Variants in NPAS4 observed in about 807,000 individuals in gnomAD.
NPAS4 encodes the protein neuronal PAS domain protein 4.
NPAS4 carries 10 observed loss-of-function variants against 64.0 expected under a neutral mutation model. That is an observed-to-expected ratio of 0.16 (90% CI 0.10 to 0.26). NPAS4 has a LOEUF of 0.26. Ranked by LOEUF, NPAS4 falls within the 10% of genes least tolerant of loss-of-function variation. The pLI is 1.00. For synonymous variants in NPAS4, 441 were observed against 411.7 expected, an observed-to-expected ratio of 1.07 and a Z score of -0.86; for missense variants, 886 against 992.6, an observed-to-expected ratio of 0.89 and a Z score of 1.44.
chr11:66,417,061 G>A (rs1460931520), upstream of NPAS4: 6 of 151,972 alleles, frequency 3.9e-5, no homozygotes, highest in Non-Finnish European at 7.4e-5. Context: ...GGGATCTCAC[G>A]GCCTGTTTTT....
At chr11:66,421,812 C>G (rs531598884) in intron 1 of NPAS4, among the ~76,000 whole-genome samples, 28 of 152,328 alleles carry the variant, frequency 1.8e-4, no homozygotes, top group African/African-American at 5.5e-4. Context: ...TGGTTCTGAA[C>G]CCACAGTCGG....
At chr11:66,423,053 G>A in intron 4 of NPAS4, 70 bp from the exon 5 acceptor site, 1 of 1,497,962 alleles carries the variant, frequency 6.7e-7, no homozygotes, top group Non-Finnish European at 9.1e-7. Flanking sequence ...GAGGATCTGG[G>A]AGGGAGTGAG....
rs376466408 is a variant in NPAS4, at chr11:66,424,514, C to T, written c.1624C>T (p.Leu542=). The change falls in exon 7 of 8, where the codon CTG becomes TTG. Residue 542 remains leucine (L), a synonymous_variant. Coordinates refer to ENST00000311034, the MANE Select transcript of NPAS4 (RefSeq NM_178864.4). Reference sequence around the variant, plus strand: ...TCCCAGCACAGCATTCCAAGCACACCTGGACAGCCCCAGCCAAACCTTCCC... The same window carrying T: ...TCCCAGCACAGCATTCCAAGCACACTTGGACAGCCCCAGCCAAACCTTCCC... ...TPPSTAFQAH[L]DSPSQTFPEQ... 6.2e-7 allele frequency: 1 copy of T among 1,614,074 alleles called. No homozygotes were observed. The highest frequency in any genetic ancestry group is 8.5e-7 in the Non-Finnish European group (1 of 1,180,048).
rs1228547448 is a variant in NPAS4 at position 66,425,074 on chromosome 11, A to T, written c.2184A>T (p.Ser728=). The change falls in exon 7 of 8, where the codon TCA becomes TCT. Residue 728 remains serine, a synonymous_variant. Transcript: ENST00000311034. ...STPDPSEEWG[S]GDPEAEGPGG... ...CAGATCCCAGTGAGGAATGGGGCTC[A>T]GGGGATCCTGAGGCAGAGGGCCCAG... 1 of 1,605,378 alleles carries T rather than the reference A, an allele frequency of 6.2e-7. No homozygotes were observed. Among genetic ancestry groups the T allele is most frequent in the Non-Finnish European group, 8.5e-7 (1 of 1,176,550 alleles).
the NPAS4 span, among the ~76,000 whole-genome samples, chr11:66,412,945 C>T: frequency 6.6e-6 from 1 of 152,254 alleles, no homozygotes; most frequent in Admixed American, 6.5e-5. Flanking sequence ...GCCTCCTCTT[C>T]TCTGAGGAAC....
At chr11:66,413,324 G>T in the NPAS4 span, among the ~76,000 whole-genome samples, 1 of 152,242 alleles carries the variant, frequency 6.6e-6, no homozygotes, top group African/African-American at 2.4e-5. Context: ...TGTGGCGGCC[G>T]GGAGGGTGGC....
At chr11:66,418,575 G>A (rs1334750617), upstream of NPAS4, among the ~76,000 whole-genome samples, 2 of 152,112 alleles carry the variant, frequency 1.3e-5, no homozygotes, top group African/African-American at 2.4e-5. Flanking sequence ...ACTAGGATGA[G>A]CCCTTCTCTA....
chr11:66,421,437 A>G (rs1856739913), intron 1 of NPAS4, 83 bp downstream of exon 1: 1 of 1,280,648 alleles, frequency 7.8e-7, no homozygotes. Flanking sequence ...GGGCTGTCGC[A>G]TGTCTAGGGC....
upstream of NPAS4, chr11:66,420,963 GC>G (rs968980100): frequency 4.6e-4 from 237 of 515,396 alleles, no homozygotes; most frequent in African/African-American, 2.7e-3. Flanking sequence ...CCGCTCTCCC[GC>G]CCCCCCGGCT....
the NPAS4 span, among the ~76,000 whole-genome samples, chr11:66,413,696 C>A: frequency 1.5e-4 from 23 of 152,354 alleles, no homozygotes; most frequent in Non-Finnish European, 3.2e-4. Context: ...ACCCACCCAG[C>A]ACAGCCTGGC....
chr11:66,425,785 C>G (rs2134648846), intron 7 of NPAS4, among the ~76,000 whole-genome samples, 176 bp from the exon 8 acceptor site: 1 of 152,304 alleles, frequency 6.6e-6, no homozygotes, highest in South Asian at 2.1e-4. Flanking sequence ...AAACTACAGC[C>G]ACAGTTTCAC....
chr11:66,409,214 A>G, the NPAS4 span: 1 of 96,240 alleles, frequency 1.0e-5, no homozygotes, highest in Admixed American at 1.2e-4. Context: ...CCCGCCCCCG[A>G]GCCGCGAGCC....
the NPAS4 span, among the ~76,000 whole-genome samples, chr11:66,412,085 T>C: frequency 0.57 from 87,243 of 152,126 alleles, 27,802 homozygotes; most frequent in South Asian, 0.79. Flanking sequence ...GAGGCTGAGG[T>C]ATCTGTTGGT....
rs930053423 is a variant in NPAS4, at chr11:66,426,130, G to A, written c.*141G>A. The A allele has an allele frequency of 1.1e-5, 2 of 175,044 alleles. No individual in the cohort carries two copies. The highest frequency in any genetic ancestry group is 2.0e-5 in the Non-Finnish European group (2 of 97,724). 10.8% of individuals were successfully genotyped at this position (175,044 alleles called of 1,614,324 possible). ...GATTCCCCAGGCCCTGCAGGATTTT[G>A]GGGGGGGGGAGGTGGGAGGGCAAGG... is the stretch of plus-strand genomic sequence containing the variant. On this transcript the variant is annotated 3_prime_UTR_variant, in exon 8 of 8. Transcript: ENST00000311034.
chr11:66,409,663 G>T, the NPAS4 span, among the ~76,000 whole-genome samples: 6 of 152,308 alleles, frequency 3.9e-5, no homozygotes, highest in South Asian at 1.2e-3. Context: ...AGTAGTGATT[G>T]ACTAGGGCCA....
At chr11:66,418,995 G>A (rs946410831), upstream of NPAS4, among the ~76,000 whole-genome samples, 1 of 152,168 alleles carries the variant, frequency 6.6e-6, no homozygotes, top group Non-Finnish European at 1.5e-5. Flanking sequence ...ATGCCTCACA[G>A]GCAGCTTTAG....
At chr11:66,415,607 A>G in the NPAS4 span, among the ~76,000 whole-genome samples, 4 of 152,366 alleles carry the variant, frequency 2.6e-5, no homozygotes, top group Admixed American at 1.3e-4. Context: ...CTGTGTTCCA[A>G]TAAAACTTTA....
chr11:66,425,143 C>A lies in NPAS4; in HGVS notation c.2253C>A (p.His751Gln). The A allele has an allele frequency of 6.2e-7, 1 of 1,605,868 alleles. No individual in the cohort carries two copies. Among genetic ancestry groups the A allele is most frequent in the Non-Finnish European group, 8.5e-7 (1 of 1,177,302 alleles). Residue 751 changes from histidine to glutamine, a missense_variant, in exon 7 of 8, where the codon CAC (histidine) becomes CAA (glutamine). His to Gln is a conservative substitution (Grantham distance 24). Coordinates refer to ENST00000311034, the MANE Select transcript of NPAS4 (RefSeq NM_178864.4). ...SPCNNLSPEDHSFLEDLATYE... is the reference protein window; with the variant it reads ...SPCNNLSPEDQSFLEDLATYE... ...GCAACAACCTGTCCCCAGAAGACCA[C>A]AGCTTCCTGGAGGACCTGGCCACAT...
At chr11:66,415,418 T>G in the NPAS4 span, among the ~76,000 whole-genome samples, 1 of 152,340 alleles carries the variant, frequency 6.6e-6, no homozygotes, top group Admixed American at 6.5e-5. Flanking sequence ...GAGATATTCC[T>G]GGTGTGAACT....
Sources: allele counts gnomAD v4.1 joint callset (sites outside exome capture counted in the v4.1 genomes callset), GRCh38; gene constraint gnomAD v4.1.1; transcripts MANE v1.5; gene names NCBI Gene and HGNC (gene_info 2026-07-23, HGNC 2026-07-21).